Variants in VRK3 observed in about 807,000 individuals in gnomAD.
VRK3 encodes the protein VRK serine/threonine kinase 3, also known as serine/threonine-protein kinase VRK3.
VRK3 carries 50 observed loss-of-function variants against 60.4 expected under a neutral mutation model. The observed-to-expected ratio is 0.83, with a 90% CI of 0.66 to 1.05. The LOEUF (loss-of-function observed/expected upper bound fraction) is 1.05. Ranked by LOEUF, VRK3 falls within the 50% of genes least tolerant of loss-of-function variation. The pLI, the probability that VRK3 is intolerant of heterozygous loss-of-function variation, is 0.00. For synonymous variants in VRK3, 246 were observed against 227.8 expected (o/e 1.08, Z -0.72); for missense variants, 549 against 585.3 (o/e 0.94, Z 0.64).
At chr19:50,019,666 T>G (rs1431538685) in intron 2 of VRK3, among the ~76,000 whole-genome samples, 1 of 128,868 alleles carries the variant, frequency 7.8e-6, no homozygotes, top group Non-Finnish European at 1.6e-5. Flanking sequence ...TGTGCCACCA[T>G]GCCTGGCCTT....
intron 6 of VRK3, chr19:49,997,898 G>C (rs763870674): frequency 1.5e-5 from 3 of 200,536 alleles, no homozygotes; most frequent in African/African-American, 2.3e-5. Context: ...GATGTGAGCA[G>C]AAGAAATGTG....
At chr19:49,992,805 C>CAG in intron 10 of VRK3, 55 bp downstream of exon 10, 1 of 1,531,138 alleles carries the variant, frequency 6.5e-7, no homozygotes, top group Non-Finnish European at 9.0e-7. Flanking sequence ...GATTTGGAGA[C>CAG]AGATGGGAAC....
chr19:50,003,605 T>C (rs183590398), intron 5 of VRK3, among the ~76,000 whole-genome samples: 3 of 152,358 alleles, frequency 2.0e-5, no homozygotes, highest in Admixed American at 6.5e-5. Flanking sequence ...ATAAAATGCT[T>C]AGAGCATGGC....
intron 1 of VRK3, among the ~76,000 whole-genome samples, chr19:50,022,096 C>T (rs60827350): frequency 0.052 from 7,983 of 152,226 alleles, 690 homozygotes; most frequent in African/African-American, 0.18. Context: ...CTCCTTCCCC[C>T]AGACCTGACT....
At chr19:49,981,508 G>A (rs2076421395) in intron 12 of VRK3, 1 of 210,356 alleles carries the variant, frequency 4.8e-6, no homozygotes, top group Non-Finnish European at 8.4e-6. Flanking sequence ...TTGAGCCACT[G>A]CACTCCAGCC....
At chr19:49,985,373 G>A (rs2076493486) in intron 12 of VRK3, among the ~76,000 whole-genome samples, 2 of 152,364 alleles carry the variant, frequency 1.3e-5, no homozygotes, top group African/African-American at 4.8e-5. Context: ...CCCATGCAGA[G>A]GTTGCCTGCG....
At chr19:49,988,553 C>T in intron 11 of VRK3, 61 bp from the exon 12 acceptor site, 1 of 1,578,002 alleles carries the variant, frequency 6.3e-7, no homozygotes, top group Non-Finnish European at 8.6e-7. Context: ...CTGGTGGGTC[C>T]ACCCCCCTTC....
At chr19:49,991,549 A>ACACACACACACACACACACACACC (rs2076613293) in intron 10 of VRK3, among the ~76,000 whole-genome samples, 1 of 151,602 alleles carries the variant, frequency 6.6e-6, no homozygotes, top group Admixed American at 6.6e-5. Context: ...ACACACACAC[A>ACACACACACACACACACACACACC]CCCTGCCAGT....
intron 1 of VRK3, among the ~76,000 whole-genome samples, chr19:50,024,303 A>C (rs912772748): frequency 3.3e-5 from 5 of 152,234 alleles, no homozygotes; most frequent in Non-Finnish European, 4.4e-5. Context: ...GCAACTCTCC[A>C]TAAGTATATG....
In VRK3 at chr19:49,994,859, C is replaced by A; in HGVS notation, c.825G>T (p.Lys275Asn). The A allele has an allele frequency of 6.2e-7, 1 of 1,614,170 alleles. No individual in the cohort carries two copies. The highest frequency in any genetic ancestry group is 8.5e-7 in the Non-Finnish European group (1 of 1,180,024). The change falls in exon 9 of 15, where the codon AAG (lysine) becomes AAT (asparagine). Residue 275 changes from lysine to asparagine, a missense_variant. Coordinates refer to ENST00000316763, the MANE Select transcript of VRK3 (RefSeq NM_016440.4). ...SLQSALDVSP[K>N]HVLSERSVLQ... is the part of the protein sequence containing the mutation. Reference sequence around the variant, plus strand: ...GCACAGACCTCTCTGACAGCACATGCTTTGGGCTGACATCCAGGGCCGACT... The same window carrying A: ...GCACAGACCTCTCTGACAGCACATGATTTGGGCTGACATCCAGGGCCGACT...
At chr19:49,982,134 C>G (rs1054225088) in intron 12 of VRK3, 15 of 702,860 alleles carry the variant, frequency 2.1e-5, no homozygotes, top group Admixed American at 6.0e-5. Context: ...GGTGACCGAG[C>G]CTTGTTTCTG....
intron 5 of VRK3, among the ~76,000 whole-genome samples, chr19:50,002,315 G>A (rs1433516740): frequency 1.3e-5 from 2 of 152,128 alleles, no homozygotes; most frequent in African/African-American, 2.4e-5. Flanking sequence ...AGCTCTACAC[G>A]TTCAAGGCCA....
At position 50,007,644 on chromosome 19, in the gene VRK3, G is replaced by C. The variant is rs778234899; in HGVS notation, c.472C>G (p.Leu158Val). 4 of 1,614,110 alleles carry C rather than the reference G, an allele frequency of 2.5e-6. No individual in the cohort carries two copies. The Admixed American group carries it at 6.7e-5, about 27-fold the overall frequency. The stretch of plus-strand genomic sequence containing the variant: ...CACTGTCGCCCACTCTTGTCTGTCA[G>C]CACTGTCCCTGTGGGCAAAGCTTCA... The part of the protein sequence containing the change: ...SLEALPTGTV[L>V]TDKSGRQWKL... Residue 158 changes from leucine to valine, a missense_variant, in exon 5 of 15, where the codon CTG becomes GTG. By Grantham distance (32) the Leu-to-Val change is conservative. Coordinates refer to ENST00000316763, the MANE Select transcript of VRK3 (RefSeq NM_016440.4).
At chr19:49,978,939 G>T in intron 14 of VRK3, 144 bp downstream of exon 14, 2 of 808,074 alleles carry the variant, frequency 2.5e-6, no homozygotes, top group Non-Finnish European at 3.7e-6. Flanking sequence ...TTCAAGGACC[G>T]TGCGGAAAAA....
Position 49,989,702 on chromosome 19 carries a change from C to T in VRK3, c.1033G>A (p.Gly345Ser), listed in dbSNP as rs1296545318. 1 of 1,614,008 alleles carries T rather than the reference C, an allele frequency of 6.2e-7. No homozygotes were observed. Among genetic ancestry groups the T allele is most frequent in the East Asian group, 2.2e-5 (1 of 44,884 alleles). Residue 345 changes from glycine (G) to serine (S), a missense_variant, in exon 11 of 15, where the codon GGC becomes AGC. Coordinates refer to ENST00000316763, the MANE Select transcript of VRK3 (RefSeq NM_016440.4). ...TCCCCCTCGTGAGGGCTCCTGCTGC[C>T]TTCCACGTAGGCCACGTGTTTGCCA... is the stretch of plus-strand genomic sequence containing the variant. ...PSGKHVAYVE[G>S]SRSPHEGDLE...
At chr19:50,014,041 T>C (rs1450998743) in intron 3 of VRK3, among the ~76,000 whole-genome samples, 1 of 151,728 alleles carries the variant, frequency 6.6e-6, no homozygotes, top group African/African-American at 2.4e-5. Context: ...CTGAGGCAGG[T>C]AGATCACTTG....
chr19:49,993,072 G>C (rs1018704972), intron 9 of VRK3, 120 bp from the exon 10 acceptor site: 64 of 844,542 alleles, frequency 7.6e-5, no homozygotes, highest in Non-Finnish European at 8.0e-5. Flanking sequence ...CTGTGACTGG[G>C]GGTTAAACCT....
Position 50,025,298 on chromosome 19 carries a change from G to C in VRK3, c.-96C>G, listed in dbSNP as rs916425920. On this transcript the variant is annotated 5_prime_UTR_variant, in exon 1 of 15. Coordinates refer to ENST00000316763, the MANE Select transcript of VRK3 (RefSeq NM_016440.4). ...ACTTGGGGACTGGGGTGGGATTCTG[G>C]GCTTCTGCAGCCTGACCCTCGGATC... 1 of 152,300 alleles carries C rather than the reference G, an allele frequency of 6.6e-6. No individual in the cohort carries two copies. Among genetic ancestry groups the C allele is most frequent in the Admixed American group, 6.5e-5 (1 of 15,288 alleles). 9.4% of individuals were successfully genotyped at this position (152,300 alleles called of 1,614,324 possible). A position where few individuals can be genotyped will look rare whatever the true frequency, so the allele number is the denominator to read the frequency against.
intron 3 of VRK3, among the ~76,000 whole-genome samples, chr19:50,011,221 G>C (rs7259059): frequency 6.6e-6 from 1 of 152,042 alleles, no homozygotes; most frequent in Admixed American, 6.5e-5. Flanking sequence ...TAGCCCTGTG[G>C]TCTCTGTTTT....
Sources: gnomAD v4.1 joint callset for allele counts (sites outside exome capture counted in the v4.1 genomes callset) on GRCh38, gnomAD v4.1.1 for gene constraint, MANE v1.5 for transcripts, NCBI Gene and HGNC (gene_info 2026-07-23, HGNC 2026-07-21) for gene names.